The following CPNE1 variants were observed in gnomAD, a reference collection of about 807,000 sequenced individuals.
CPNE1 encodes the protein copine-1.
A neutral mutation model predicts 63.2 loss-of-function variants in CPNE1; 58 were observed. The observed-to-expected ratio is 0.92, with a 90% CI of 0.74 to 1.14. The LOEUF is 1.14. CPNE1 is among the 50% of genes most tolerant of loss of function. The probability of loss-of-function intolerance (pLI) is 0.00; values close to 1 mark genes in which losing one functional copy is unlikely to be tolerated. For synonymous variants in CPNE1, 237 were observed against 249.0 expected (o/e 0.95, Z 0.45); for missense variants, 672 against 661.7 (o/e 1.02, Z -0.17).
intron 1 of CPNE1, chr20:35,664,479 A>T (rs1360371891): frequency 6.6e-6 from 1 of 152,352 alleles, no homozygotes; most frequent in Non-Finnish European, 1.5e-5. Flanking sequence ...CCGCTGAGCC[A>T]GCCAGCTCTG....
Position 35,631,337 on chromosome 20 carries a change from G to C in CPNE1, c.732C>G (p.Ile244Met). ...LQAVPAEFEC[I>M]HPEKQQKKKS... The stretch of plus-strand genomic sequence containing the variant: ...TCTTTTTCTGCTGCTTCTCAGGGTG[G>C]ATGCATTCAAACTCAGCCTGGTGAG... The change falls in exon 9 of 16, where the codon ATC (isoleucine) becomes ATG (methionine). Residue 244 changes from isoleucine (I) to methionine (M), a missense_variant. Ile to Met is a conservative substitution (Grantham distance 10, BLOSUM62 1). Coordinates refer to ENST00000397443, the MANE Select transcript of CPNE1 (RefSeq NM_152925.3). 1.2e-6 allele frequency: 2 copies of C among 1,614,086 alleles called. No homozygotes were observed. The highest frequency in any genetic ancestry group is 1.7e-5 in the Admixed American group (1 of 60,016).
At chr20:35,655,868 T>C (rs2033866072) in intron 1 of CPNE1, among the ~76,000 whole-genome samples, 2 of 152,232 alleles carry the variant, frequency 1.3e-5, no homozygotes, top group South Asian at 2.1e-4. Context: ...AGAATACTAA[T>C]GAATTGTAAA....
chr20:35,649,824 A>G (rs1329179912), intron 1 of CPNE1: 1 of 152,274 alleles, frequency 6.6e-6, no homozygotes, highest in Non-Finnish European at 1.5e-5. Flanking sequence ...TCTTCCATTA[A>G]TGTCAGAGTC....
intron 1 of CPNE1, chr20:35,654,759 T>C (rs765772567): frequency 1.1e-5 from 18 of 1,613,814 alleles, no homozygotes; most frequent in Non-Finnish European, 1.4e-5. Flanking sequence ...GAGGAATTGG[T>C]GGCGGCGGGA....
At position 35,626,689 on chromosome 20, in the gene CPNE1, C is replaced by A. The variant is rs1423656286; in HGVS notation, c.1351G>T (p.Gly451Cys). 2 of 1,614,052 alleles carry A rather than the reference C, an allele frequency of 1.2e-6. No individual in the cohort carries two copies. The highest frequency in any genetic ancestry group is 2.2e-5 in the East Asian group (1 of 44,894). ...TCCATGGCCTCAAAGTCAGCACCAC[C>A]CACACCCACAATGATCACTGACATG... ...LPMSVIIVGVGGADFEAMEQL... is the reference protein window; with the variant it reads ...LPMSVIIVGVCGADFEAMEQL... The change falls in exon 15 of 16, where the codon GGT becomes TGT. Residue 451 changes from glycine to cysteine, a missense_variant. By Grantham distance (159) the Gly-to-Cys change is radical (BLOSUM62 -3). Coordinates refer to ENST00000397443, the MANE Select transcript of CPNE1 (RefSeq NM_152925.3).
At chr20:35,657,243 A>C (rs1339022233) in intron 1 of CPNE1, among the ~76,000 whole-genome samples, 1 of 152,244 alleles carries the variant, frequency 6.6e-6, no homozygotes, top group Non-Finnish European at 1.5e-5. Context: ...AACGCTAAAA[A>C]ACATCACACC....
intron 1 of CPNE1, among the ~76,000 whole-genome samples, chr20:35,636,502 G>A (rs192248985): frequency 6.6e-6 from 1 of 152,158 alleles, no homozygotes; most frequent in Non-Finnish European, 1.5e-5. Flanking sequence ...GGTATCCTAT[G>A]AAAAAATCAA....
intron 1 of CPNE1, among the ~76,000 whole-genome samples, chr20:35,661,327 C>G (rs2034219948): frequency 6.6e-6 from 1 of 152,214 alleles, no homozygotes; most frequent in Non-Finnish European, 1.5e-5. Flanking sequence ...TTCTAAATGT[C>G]AGCTAGCGAC....
Position 35,631,669 on chromosome 20 carries a change from TA to T in CPNE1, c.627+18del. 1 of 1,613,396 alleles carries T rather than the reference TA, an allele frequency of 6.2e-7. No individual in the cohort carries two copies. The highest frequency in any genetic ancestry group is 8.5e-7 in the Non-Finnish European group (1 of 1,179,356). On this transcript the variant is annotated intron_variant, in intron 7 of 15. Coordinates refer to ENST00000397443, the MANE Select transcript of CPNE1 (RefSeq NM_152925.3). ...GTTCTCTTCTCCAGCGCAGTCCACT[TA>T]GGGGGCAAGCTCCTCACCTGGATGG...
intron 1 of CPNE1, chr20:35,654,613 G>A (rs1268307091): frequency 6.2e-7 from 1 of 1,614,088 alleles, no homozygotes; most frequent in African/African-American, 1.3e-5. Context: ...GGGTGGCAGT[G>A]GGGTCATGGG....
chr20:35,634,667 T>G (rs1419136951), intron 1 of CPNE1, among the ~76,000 whole-genome samples: 1 of 152,158 alleles, frequency 6.6e-6, no homozygotes, highest in African/African-American at 2.4e-5. Context: ...CAGATTTCTT[T>G]AACCTGATCT....
chr20:35,659,760 C>T (rs1017042495), intron 1 of CPNE1, among the ~76,000 whole-genome samples: 1 of 152,184 alleles, frequency 6.6e-6, no homozygotes, highest in Admixed American at 6.5e-5. Flanking sequence ...CTTTCACTGT[C>T]ATTTCTTCCA....
chr20:35,637,460 C>T (rs570432372), intron 1 of CPNE1, among the ~76,000 whole-genome samples: 1 of 152,186 alleles, frequency 6.6e-6, no homozygotes, highest in Admixed American at 6.5e-5. Flanking sequence ...GCTCACTCAC[C>T]CACCCACCGA....
intron 1 of CPNE1, among the ~76,000 whole-genome samples, chr20:35,660,754 C>G (rs1174932349): frequency 6.6e-6 from 1 of 152,130 alleles, no homozygotes; most frequent in Non-Finnish European, 1.5e-5. Context: ...ACTGGAGATT[C>G]CAATTCAAAA....
chr20:35,652,824 G>A (rs191138663), intron 1 of CPNE1: 65 of 1,593,554 alleles, frequency 4.1e-5, no homozygotes, highest in Admixed American at 2.7e-4. Flanking sequence ...GGCCAGGGCC[G>A]GGGCCGGGGC....
chr20:35,642,046 T>C (rs2032842797), intron 1 of CPNE1, among the ~76,000 whole-genome samples: 1 of 152,234 alleles, frequency 6.6e-6, no homozygotes, highest in African/African-American at 2.4e-5. Context: ...TTTACCAGCA[T>C]ACTACTGTCG....
At chr20:35,650,711 C>CA (rs2033446102) in intron 1 of CPNE1, 1 of 152,566 alleles carries the variant, frequency 6.6e-6, no homozygotes, top group African/African-American at 2.4e-5. Flanking sequence ...TACTGTCAAT[C>CA]CTCTAAGATT....
chr20:35,639,220 T>C (rs181725668), intron 1 of CPNE1, among the ~76,000 whole-genome samples: 7 of 152,200 alleles, frequency 4.6e-5, no homozygotes, highest in African/African-American at 1.7e-4. Context: ...AAAGGAGTTG[T>C]TGAAGAAATG....
At chr20:35,651,319 G>C (rs1253718545) in intron 1 of CPNE1, 1 of 152,188 alleles carries the variant, frequency 6.6e-6, no homozygotes, top group East Asian at 1.9e-4. Context: ...AAAGAAAAGA[G>C]TATGAAAGGG....
Sources: allele counts gnomAD v4.1 joint callset (sites outside exome capture counted in the v4.1 genomes callset), GRCh38; gene constraint gnomAD v4.1.1; transcripts MANE v1.5; gene names NCBI Gene and HGNC (gene_info 2026-07-23, HGNC 2026-07-21).